Variants in CDK14 observed in about 807,000 individuals in gnomAD.
CDK14 encodes cyclin dependent kinase 14.
In CDK14, 34 loss-of-function variants were observed where a neutral mutation model predicts 60.7. The observed-to-expected ratio is 0.56, with a 90% CI of 0.43 to 0.75. The LOEUF is 0.75. CDK14 is among the 30% of genes least tolerant of loss of function. The probability of loss-of-function intolerance (pLI) is 0.00; values close to 1 mark genes in which losing one functional copy is unlikely to be tolerated. For synonymous variants in CDK14, 197 were observed against 203.7 expected (o/e 0.97, Z 0.28); for missense variants, 482 against 564.1 (o/e 0.85, Z 1.47).
intron 14 of CDK14, among the ~76,000 whole-genome samples, chr7:91,177,162 A>G (rs1352672315): frequency 1.3e-5 from 2 of 151,736 alleles, no homozygotes; most frequent in African/African-American, 4.8e-5. Flanking sequence ...AATATATGCA[A>G]ATCAATAAAT....
chr7:91,105,683 G>A (rs1003117091), intron 12 of CDK14, among the ~76,000 whole-genome samples: 1 of 152,066 alleles, frequency 6.6e-6, no homozygotes. Flanking sequence ...AGCATATGAG[G>A]AAAAAGTTAT....
intron 5 of CDK14, among the ~76,000 whole-genome samples, chr7:90,862,222 A>AC (rs1313535887): frequency 6.6e-6 from 1 of 152,208 alleles, no homozygotes; most frequent in East Asian, 1.9e-4. Context: ...AAATGGTCTA[A>AC]ACATCAAAAT....
At chr7:90,709,659 A>G (rs758094467) in intron 2 of CDK14, 3 of 1,597,312 alleles carry the variant, frequency 1.9e-6, no homozygotes, top group Non-Finnish European at 2.6e-6. Context: ...TGGAGAAAAT[A>G]ATTGAGCTGT....
At chr7:90,899,861 T>C (rs1792446751) in intron 7 of CDK14, among the ~76,000 whole-genome samples, 1 of 152,182 alleles carries the variant, frequency 6.6e-6, no homozygotes, top group Non-Finnish European at 1.5e-5. Flanking sequence ...TATGATTTCC[T>C]AAAATTTGAC....
At chr7:90,707,753 T>C (rs1801931505) in intron 2 of CDK14, among the ~76,000 whole-genome samples, 1 of 152,170 alleles carries the variant, frequency 6.6e-6, no homozygotes, top group African/African-American at 2.4e-5. Flanking sequence ...TTCTCCTGGG[T>C]AGTACTGGAA....
intron 9 of CDK14, among the ~76,000 whole-genome samples, chr7:90,961,682 C>T (rs377551931): frequency 1.3e-5 from 2 of 152,162 alleles, no homozygotes; most frequent in East Asian, 3.8e-4. Context: ...ATGCATGATC[C>T]AAGTGACTTG....
intron 4 of CDK14, among the ~76,000 whole-genome samples, chr7:90,766,898 G>A (rs537908956): frequency 1.9e-4 from 29 of 152,268 alleles, no homozygotes; most frequent in African/African-American, 6.7e-4. Context: ...CGCTCTGGCT[G>A]CTCCCACACA....
In CDK14 at chr7:91,012,739, G is replaced by C. The variant is rs1796196246; in HGVS notation, c.1041+28498G>C. The stretch of plus-strand genomic sequence containing the variant: ...TCTCTTACTTATCTTGACTGGAAGG[G>C]GAAGTTGTGACTGATTCTTTATGTC... On this transcript the variant is annotated intron_variant, in intron 10 of 14. Transcript: ENST00000380050. Among the ~76,000 whole-genome samples, 4 of 152,130 alleles carry C rather than the reference G, an allele frequency of 2.6e-5. No individual in the cohort carries two copies. The South Asian group carries it at 8.3e-4, about 32-fold the overall frequency.
chr7:90,823,870 T>C (rs970639838), intron 5 of CDK14, among the ~76,000 whole-genome samples: 6 of 152,206 alleles, frequency 3.9e-5, no homozygotes, highest in African/African-American at 1.4e-4. Context: ...TTGAATGCAC[T>C]GTATTTCTAT....
chr7:91,171,713 C>G (rs1801526164), intron 14 of CDK14, among the ~76,000 whole-genome samples: 1 of 152,086 alleles, frequency 6.6e-6, no homozygotes, highest in Non-Finnish European at 1.5e-5. Context: ...GTGGCATGAT[C>G]TCAGCTCACT....
chr7:91,002,553 A>G (rs1795869666), intron 10 of CDK14, among the ~76,000 whole-genome samples: 1 of 152,212 alleles, frequency 6.6e-6, no homozygotes, highest in Non-Finnish European at 1.5e-5. Flanking sequence ...AAGTATTCAT[A>G]AACCAACTCA....
intron 11 of CDK14, among the ~76,000 whole-genome samples, chr7:91,056,479 A>G (rs1423777044): frequency 6.6e-6 from 1 of 152,108 alleles, no homozygotes; most frequent in East Asian, 1.9e-4. Flanking sequence ...ACATATGTAT[A>G]CATGTGCCAT....
intron 8 of CDK14, among the ~76,000 whole-genome samples, chr7:90,950,758 A>C (rs1183372689): frequency 2.0e-5 from 3 of 152,222 alleles, no homozygotes; most frequent in Non-Finnish European, 4.4e-5. Context: ...CTTTAGGGGA[A>C]GATTGATGCT....
intron 4 of CDK14, among the ~76,000 whole-genome samples, chr7:90,790,124 G>A (rs1354181868): frequency 6.8e-6 from 1 of 147,992 alleles, no homozygotes; most frequent in Non-Finnish European, 1.5e-5. Flanking sequence ...GAGAGAGAGA[G>A]AAGAATGTCA....
At chr7:90,725,883 G>C (rs1802616701) in intron 2 of CDK14, among the ~76,000 whole-genome samples, 2 of 152,002 alleles carry the variant, frequency 1.3e-5, no homozygotes, top group African/African-American at 4.8e-5. Flanking sequence ...AGGAGGTGGA[G>C]GTCTAGTGGA....
intron 14 of CDK14, among the ~76,000 whole-genome samples, chr7:91,151,959 T>C (rs1305880025): frequency 6.6e-6 from 1 of 152,220 alleles, no homozygotes; most frequent in African/African-American, 2.4e-5. Context: ...GCAGACTCAG[T>C]TGGAGTTATA....
chr7:90,910,568 A>G (rs1356035423), intron 7 of CDK14, among the ~76,000 whole-genome samples: 1 of 152,202 alleles, frequency 6.6e-6, no homozygotes, highest in African/African-American at 2.4e-5. Flanking sequence ...TTATTCATGT[A>G]TAACTTTCAT....
At chr7:91,091,934 C>T (rs556724690) in intron 12 of CDK14, among the ~76,000 whole-genome samples, 1 of 151,686 alleles carries the variant, frequency 6.6e-6, no homozygotes, top group Non-Finnish European at 1.5e-5. Context: ...TTTTTTGCCA[C>T]CAGCTTCTGA....
intron 14 of CDK14, among the ~76,000 whole-genome samples, chr7:91,173,939 C>T (rs1438566414): frequency 6.6e-6 from 1 of 152,224 alleles, no homozygotes; most frequent in Non-Finnish European, 1.5e-5. Context: ...GAAGCTCCAA[C>T]TGGGTGGAGC....
Sources: gnomAD v4.1 joint callset for allele counts (sites outside exome capture counted in the v4.1 genomes callset) on GRCh38, gnomAD v4.1.1 for gene constraint, MANE v1.5 for transcripts, NCBI Gene and HGNC (gene_info 2026-07-23, HGNC 2026-07-21) for gene names.